Variants in APIP observed in about 807,000 individuals in gnomAD.
APIP encodes the protein methylthioribulose-1-phosphate dehydratase.
A neutral mutation model predicts 32.0 loss-of-function variants in APIP; 32 were observed. The observed-to-expected ratio is 1.00, with a 90% CI of 0.76 to 1.34. The LOEUF (loss-of-function observed/expected upper bound fraction) is 1.34, where lower values mean the gene tolerates loss of function less well. APIP is among the 40% of genes most tolerant of loss of function. APIP has a pLI of 0.00. For missense variants in APIP, 247 were observed against 298.6 expected, an observed-to-expected ratio of 0.83 and a Z score of 1.27; for synonymous variants, 92 against 94.8, an observed-to-expected ratio of 0.97 and a Z score of 0.17.
intron 1 of APIP, among the ~76,000 whole-genome samples, chr11:34,906,862 A>G (rs1853467971): frequency 6.6e-6 from 1 of 152,024 alleles, no homozygotes; most frequent in African/African-American, 2.4e-5. Flanking sequence ...TATTAAGTCC[A>G]CTCCTACTTA....
intron 1 of APIP, among the ~76,000 whole-genome samples, chr11:34,915,259 C>G (rs1853651850): frequency 6.6e-6 from 1 of 152,194 alleles, no homozygotes; most frequent in African/African-American, 2.4e-5. Flanking sequence ...TGTCCTGTCT[C>G]CAAGATCTTC....
At chr11:34,885,260 G>C (rs1446481887) in intron 5 of APIP, among the ~76,000 whole-genome samples, 11 of 145,802 alleles carry the variant, frequency 7.5e-5, no homozygotes. Flanking sequence ...TACATATATA[G>C]GTGTATATAT....
rs181061684 is a variant in APIP, at chr11:34,907,056, C to A, written c.57+9172G>T. ...CTAGCTGTTGTTCCCCACTTGATGT[C>A]CCTTTTCGGCAGGAAGTAGCCAGAA... On this transcript the variant is annotated intron_variant, in intron 1 of 6. Coordinates refer to ENST00000395787, the MANE Select transcript of APIP (RefSeq NM_015957.4). Among the ~76,000 whole-genome samples the A allele has an allele frequency of 5.9e-5, 9 of 152,296 alleles. No individual in the cohort carries two copies. In the East Asian group the frequency reaches 1.5e-3, roughly 26 times the overall value.
At chr11:34,895,816 C>T (rs2217478) in intron 1 of APIP, among the ~76,000 whole-genome samples, 91,203 of 151,672 alleles carry the variant, frequency 0.6, 28,440 homozygotes, top group East Asian at 0.74. Flanking sequence ...GAAAAAAGAG[C>T]CCACACCATT....
chr11:34,901,846 T>G (rs758182268), intron 1 of APIP, among the ~76,000 whole-genome samples: 10 of 152,172 alleles, frequency 6.6e-5, no homozygotes, highest in Non-Finnish European at 1.2e-4. Context: ...CAGATCTATC[T>G]TAAGGATCTC....
At chr11:34,910,877 T>C (rs139358990) in intron 1 of APIP, among the ~76,000 whole-genome samples, 1 of 152,074 alleles carries the variant, frequency 6.6e-6, no homozygotes, top group African/African-American at 2.4e-5. Flanking sequence ...TTATACTGCA[T>C]GTGGAAAGAG....
intron 2 of APIP, 132 bp downstream of exon 2, chr11:34,894,878 C>A: frequency 1.3e-6 from 1 of 750,912 alleles, no homozygotes; most frequent in Non-Finnish European, 2.3e-6. Flanking sequence ...GTCCACTTGT[C>A]CATTTAGAAA....
intron 1 of APIP, among the ~76,000 whole-genome samples, chr11:34,902,207 C>T (rs1427907769): frequency 6.6e-6 from 1 of 152,212 alleles, no homozygotes; most frequent in East Asian, 1.9e-4. Context: ...TTGAGGATTT[C>T]CTTCCGTCCA....
intron 2 of APIP, among the ~76,000 whole-genome samples, chr11:34,891,587 T>C (rs957728603): frequency 2.0e-5 from 3 of 152,174 alleles, no homozygotes; most frequent in African/African-American, 7.2e-5. Context: ...AGGTTGCTAA[T>C]AAACCTGTAG....
At chr11:34,883,094 C>G (rs367865772) in intron 6 of APIP, among the ~76,000 whole-genome samples, 2 of 152,104 alleles carry the variant, frequency 1.3e-5, no homozygotes, top group South Asian at 2.1e-4. Flanking sequence ...AACTAGATGT[C>G]ACTTTCTGAA....
At chr11:34,915,546 T>C (rs899136269) in intron 1 of APIP, among the ~76,000 whole-genome samples, 1 of 152,212 alleles carries the variant, frequency 6.6e-6, no homozygotes, top group Non-Finnish European at 1.5e-5. Flanking sequence ...CGTCTAGTTC[T>C]CCAGACCCTG....
At chr11:34,888,256 C>T in intron 5 of APIP, 37 bp downstream of exon 5, 1 of 1,496,084 alleles carries the variant, frequency 6.7e-7, no homozygotes. Flanking sequence ...AGGAAGAATT[C>T]TTTTCAAATT....
chr11:34,895,834 G>C (rs943184211), intron 1 of APIP, among the ~76,000 whole-genome samples: 2 of 150,724 alleles, frequency 1.3e-5, no homozygotes, highest in African/African-American at 4.9e-5. Context: ...ATTTTCTCCT[G>C]CTTTTTTGTG....
intron 1 of APIP, among the ~76,000 whole-genome samples, chr11:34,901,285 C>T (rs1036427902): frequency 1.3e-5 from 2 of 152,046 alleles, no homozygotes; most frequent in African/African-American, 2.4e-5. Flanking sequence ...AAAGCCACCT[C>T]GACCCTGTCC....
intron 1 of APIP, among the ~76,000 whole-genome samples, chr11:34,900,362 T>C (rs990467569): frequency 6.6e-6 from 1 of 151,528 alleles, no homozygotes; most frequent in African/African-American, 2.4e-5. Context: ...AGCTCCACCA[T>C]TTCCAGTATA....
At chr11:34,899,036 T>C (rs1444075036) in intron 1 of APIP, among the ~76,000 whole-genome samples, 1 of 152,036 alleles carries the variant, frequency 6.6e-6, no homozygotes, top group African/African-American at 2.4e-5. Context: ...CCTGACCTAG[T>C]GATCCACCTG....
intron 1 of APIP, among the ~76,000 whole-genome samples, chr11:34,900,258 C>CCT (rs1316407320): frequency 2.2e-4 from 34 of 152,156 alleles, no homozygotes; most frequent in African/African-American, 7.7e-4. Context: ...AGGCCTTTCC[C>CCT]AGAGCTAAAG....
chr11:34,884,611 C>A (rs1283933250), intron 5 of APIP, among the ~76,000 whole-genome samples: 1 of 151,942 alleles, frequency 6.6e-6, no homozygotes, highest in East Asian at 1.9e-4. Context: ...TGTAGTCCCA[C>A]CTACTCGGAA....
intron 1 of APIP, 88 bp downstream of exon 1, chr11:34,916,140 C>G: frequency 2.0e-6 from 3 of 1,519,126 alleles, no homozygotes; most frequent in Non-Finnish European, 2.7e-6. Flanking sequence ...AAACGCCCGG[C>G]CCGCTACCCT....
Sources: gnomAD v4.1 joint callset for allele counts (sites outside exome capture counted in the v4.1 genomes callset) on GRCh38, gnomAD v4.1.1 for gene constraint, MANE v1.5 for transcripts, NCBI Gene and HGNC (gene_info 2026-07-23, HGNC 2026-07-21) for gene names.